Variants in DGCR8 observed in about 807,000 individuals in gnomAD.
DGCR8 encodes microprocessor complex subunit DGCR8.
A neutral mutation model predicts 78.5 loss-of-function variants in DGCR8; 14 were observed. The observed-to-expected ratio is 0.18, with a 90% CI of 0.12 to 0.28. The LOEUF is 0.28. Among genes scored for constraint, DGCR8 ranks in the 10% least tolerant of loss-of-function variants. DGCR8 has a pLI of 1.00. For synonymous variants in DGCR8, 399 were observed against 402.4 expected, an observed-to-expected ratio of 0.99 and a Z score of 0.10; for missense variants, 702 against 1,022.5, an observed-to-expected ratio of 0.69 and a Z score of 4.28.
chr22:20,094,795 G>A lies in DGCR8; in HGVS notation c.1788G>A (p.Glu596=), dbSNP rs1197206974. The change falls in exon 9 of 14, where the codon GAG becomes GAA. Residue 596 remains glutamate (E), a splice_region_variant and synonymous_variant. Coordinates refer to ENST00000351989, the MANE Select transcript of DGCR8 (RefSeq NM_022720.7). ...AGCCCAAAGACAGTGAAGAACTCGAGGTGAGTGTTGTGGTCCTGCCCTGCT... is the reference window on the plus strand; with the variant it reads ...AGCCCAAAGACAGTGAAGAACTCGAAGTGAGTGTTGTGGTCCTGCCCTGCT... The part of the protein sequence containing the change: ...EEKPKDSEEL[E]YFNHISIEDS... 6.2e-7 allele frequency: 1 copy of A among 1,613,894 alleles called. No individual in the cohort carries two copies. The highest frequency in any genetic ancestry group is 2.2e-5 in the East Asian group (1 of 44,870).
chr22:20,094,874 G>T, intron 9 of DGCR8, 79 bp downstream of exon 9: 1 of 1,289,638 alleles, frequency 7.8e-7, no homozygotes, highest in African/African-American at 1.5e-5. Context: ...AGCTGGGGGT[G>T]TCCGTGGGCT....
chr22:20,088,633 A>C (rs959154913), intron 3 of DGCR8, among the ~76,000 whole-genome samples: 5 of 152,180 alleles, frequency 3.3e-5, no homozygotes, highest in Non-Finnish European at 7.3e-5. Flanking sequence ...CGCAGTGTGC[A>C]TGCACCCCTG....
Position 20,110,348 on chromosome 22 carries a change from A to C in DGCR8, c.*240A>C. 1.9e-6 allele frequency: 1 copy of C among 517,478 alleles called. No homozygotes were observed. The highest frequency in any genetic ancestry group is 3.4e-6 in the Non-Finnish European group (1 of 290,914). 32.1% of individuals were successfully genotyped at this position (517,478 alleles called of 1,614,324 possible). A position where few individuals can be genotyped will look rare whatever the true frequency, so the allele number is the denominator to read the frequency against. ...CAGGCCTGAATGGATGGACTCAGCG[A>C]CTGCACCAGTGGCAGCTGGTGACTG... On this transcript the variant is annotated 3_prime_UTR_variant, in exon 14 of 14. Transcript: ENST00000351989.
intron 1 of DGCR8, among the ~76,000 whole-genome samples, chr22:20,082,441 C>T (rs892419748): frequency 6.6e-6 from 1 of 152,070 alleles, no homozygotes; most frequent in Non-Finnish European, 1.5e-5. Context: ...ATCTCCCGCT[C>T]ACTGTAAGCT....
intron 9 of DGCR8, chr22:20,096,534 GT>G (rs1245772601): frequency 4.2e-6 from 4 of 955,494 alleles, no homozygotes; most frequent in Non-Finnish European, 3.7e-6. Flanking sequence ...TATTGAGATA[GT>G]TTACATACTA....
intron 9 of DGCR8, chr22:20,101,268 C>T (rs898133741): frequency 1.0e-5 from 10 of 985,234 alleles, no homozygotes; most frequent in African/African-American, 1.7e-5. Flanking sequence ...CTCTTTGACC[C>T]TCTTATTTGT....
chr22:20,094,831 T>G (rs1200226158), intron 9 of DGCR8, 36 bp downstream of exon 9: 1 of 1,591,542 alleles, frequency 6.3e-7, no homozygotes, highest in African/African-American at 1.3e-5. Context: ...GGGAGCTGTG[T>G]GTGCAGTGCG....
At position 20,086,696 on chromosome 22, in the gene DGCR8, C is replaced by T. The variant is rs1308789058; in HGVS notation, c.720+13C>T. ...TTTCCCCTACGAGGTATGTTGGCAG[C>T]CCCTCCTCTAGAGGGCTCTTAGCAA... On this transcript the variant is annotated intron_variant, in intron 2 of 13. Coordinates refer to ENST00000351989, the MANE Select transcript of DGCR8 (RefSeq NM_022720.7). This position sits in a 1 kb window ranked among gnomAD's most constrained non-coding sequence, Gnocchi z 6.4. 1 of 1,596,684 alleles carries T rather than the reference C, an allele frequency of 6.3e-7. No homozygotes were observed. The highest frequency in any genetic ancestry group is 2.2e-5 in the East Asian group (1 of 44,814).
intron 10 of DGCR8, 101 bp downstream of exon 10, chr22:20,106,378 C>A: frequency 9.2e-7 from 1 of 1,090,204 alleles, no homozygotes; most frequent in Non-Finnish European, 1.4e-6. Flanking sequence ...GAGGCATGGC[C>A]AGGTTTCCCT....
intron 6 of DGCR8, 35 bp downstream of exon 6, chr22:20,091,667 G>A (rs1304482275): frequency 6.2e-7 from 1 of 1,601,466 alleles, no homozygotes; most frequent in Non-Finnish European, 8.6e-7. Flanking sequence ...CAGCAGACTG[G>A]TTATGCTGTT....
At position 20,089,616 on chromosome 22, in the gene DGCR8, C is replaced by A; in HGVS notation, c.881-53C>A. 1 of 1,598,942 alleles carries A rather than the reference C, an allele frequency of 6.3e-7. No homozygotes were observed. The highest frequency in any genetic ancestry group is 8.5e-7 in the Non-Finnish European group (1 of 1,169,846). On this transcript the variant is annotated intron_variant, in intron 3 of 13. Transcript: ENST00000351989. The surrounding 1 kb of genome is among the most constrained non-coding windows in gnomAD (Gnocchi z 4.9). ...TCTTGTGCAGGAGGTGCTGTGGCAA[C>A]AATTCCAAGTGTTTTTACAGTGATT...
chr22:20,084,770 C>T (rs2049458980), intron 1 of DGCR8, among the ~76,000 whole-genome samples: 1 of 152,270 alleles, frequency 6.6e-6, no homozygotes, highest in Non-Finnish European at 1.5e-5. Context: ...TTCTGTGACA[C>T]TGTTCTTGGC....
intron 9 of DGCR8, chr22:20,101,409 T>A: frequency 1.4e-6 from 1 of 703,110 alleles, no homozygotes; most frequent in Non-Finnish European, 1.7e-6. Context: ...ACCCCGTCTC[T>A]ACTAAAAACA....
chr22:20,103,368 T>G (rs2049728130), intron 9 of DGCR8, among the ~76,000 whole-genome samples: 1 of 152,210 alleles, frequency 6.6e-6, no homozygotes, highest in Non-Finnish European at 1.5e-5. Context: ...TGTATGGCAC[T>G]GTGATGAATA....
In DGCR8 at chr22:20,086,428, C is replaced by T; in HGVS notation, c.465C>T (p.Val155=). 2 of 1,613,892 alleles carry T rather than the reference C, an allele frequency of 1.2e-6. No individual in the cohort carries two copies. Among genetic ancestry groups the T allele is most frequent in the Non-Finnish European group, 1.7e-6 (2 of 1,180,018 alleles). The change falls in exon 2 of 14, where the codon GTC becomes GTT. Residue 155 remains valine, a synonymous_variant. Coordinates refer to ENST00000351989, the MANE Select transcript of DGCR8 (RefSeq NM_022720.7). This position sits in a 1 kb window ranked among gnomAD's most constrained non-coding sequence, Gnocchi z 6.4. ...AGTGCGGTCTGCTCCTTAGCCCTGT[C>T]AGTGGGGACGTGCATGCTTGTCCCT... ...RAECGLLLSP[V]SGDVHACPFG... is the part of the protein sequence containing the mutation.
chr22:20,091,141 A>C (rs550849691), intron 5 of DGCR8, among the ~76,000 whole-genome samples: 1 of 152,218 alleles, frequency 6.6e-6, no homozygotes, highest in African/African-American at 2.4e-5. Context: ...TACAGGGAGG[A>C]AGTCCCGAAG....
chr22:20,092,500 C>T (rs983518717), intron 7 of DGCR8, among the ~76,000 whole-genome samples: 7 of 152,202 alleles, frequency 4.6e-5, no homozygotes, highest in Non-Finnish European at 8.8e-5. Context: ...TCCGGCAGTC[C>T]TGTGTCCGTC....
intron 1 of DGCR8, among the ~76,000 whole-genome samples, chr22:20,083,168 T>C (rs891655999): frequency 1.3e-5 from 2 of 152,226 alleles, no homozygotes. Context: ...ATGCAGGCCA[T>C]GAGGCCTTCT....
intron 1 of DGCR8, among the ~76,000 whole-genome samples, chr22:20,083,235 T>A (rs2049437674): frequency 1.3e-5 from 2 of 152,086 alleles, no homozygotes; most frequent in South Asian, 4.1e-4. Flanking sequence ...TTGTTTTGTT[T>A]TTGCTTGAAT....
Sources: gnomAD v4.1 joint callset for allele counts (sites outside exome capture counted in the v4.1 genomes callset) on GRCh38, gnomAD v4.1.1 for gene constraint, Gnocchi (gnomAD v3.1) non-coding constraint, MANE v1.5 for transcripts, NCBI Gene and HGNC (gene_info 2026-07-23, HGNC 2026-07-21) for gene names.